Variants in PPP2R2C observed in about 807,000 individuals in gnomAD.
PPP2R2C encodes the protein protein phosphatase 2 regulatory subunit Bgamma, also known as protein phosphatase 2, regulatory subunit B, gamma.
A neutral mutation model predicts 45.3 loss-of-function variants in PPP2R2C; 10 were observed. That is an observed-to-expected ratio of 0.22 (90% CI 0.14 to 0.37). The LOEUF (loss-of-function observed/expected upper bound fraction) is 0.37. PPP2R2C is among the 10% of genes least tolerant of loss of function. The pLI, the probability that PPP2R2C is intolerant of heterozygous loss-of-function variation, is 1.00. For synonymous variants in PPP2R2C, 257 were observed against 245.4 expected, an observed-to-expected ratio of 1.05 and a Z score of -0.44; for missense variants, 308 against 619.7, an observed-to-expected ratio of 0.50 and a Z score of 5.34.
intron 1 of PPP2R2C, among the ~76,000 whole-genome samples, chr4:6,562,241 T>C (rs1198630462): frequency 1.3e-5 from 2 of 152,104 alleles, no homozygotes; most frequent in African/African-American, 4.8e-5. Flanking sequence ...AGCTCACCTG[T>C]GGGCAACGGG....
intron 6 of PPP2R2C, among the ~76,000 whole-genome samples, chr4:6,336,271 G>C (rs1225857438): frequency 6.6e-6 from 1 of 151,824 alleles, no homozygotes; most frequent in Non-Finnish European, 1.5e-5. Flanking sequence ...TCACAGGGGC[G>C]CCCTTCTCAG....
chr4:6,366,938 C>T (rs192076087), intron 5 of PPP2R2C, among the ~76,000 whole-genome samples: 28 of 152,172 alleles, frequency 1.8e-4, no homozygotes, highest in African/African-American at 6.3e-4. Context: ...CCAGAGGTTC[C>T]GATGAGCCAA....
intron 1 of PPP2R2C, among the ~76,000 whole-genome samples, chr4:6,394,493 G>A (rs1327895503): frequency 6.6e-6 from 1 of 152,230 alleles, no homozygotes; most frequent in African/African-American, 2.4e-5. Context: ...GTGGTAAATT[G>A]CAGCTGGGGG....
rs143678737 is a variant in PPP2R2C, at chr4:6,457,499, G to A, written c.70+14661C>T. 1.1e-3 allele frequency among the ~76,000 whole-genome samples: 164 copies of A among 152,062 alleles called. 1 individual carries two copies. The highest frequency in any genetic ancestry group is 3.5e-3 in the East Asian group (18 of 5,118). On this transcript the variant is annotated intron_variant, in intron 1 of 8. Transcript: ENST00000382599. ...TGATCCTCCAGCCTCAGCCTCCTGAGTAGCTGGGACTGCAGGTACATGCCA... is the reference window on the plus strand; with the variant it reads ...TGATCCTCCAGCCTCAGCCTCCTGAATAGCTGGGACTGCAGGTACATGCCA...
intron 1 of PPP2R2C, among the ~76,000 whole-genome samples, chr4:6,454,520 G>A (rs1038820444): frequency 5.3e-5 from 8 of 152,114 alleles, no homozygotes; most frequent in African/African-American, 7.2e-5. Context: ...TCCCCACCCC[G>A]CAGAAAATGT....
At chr4:6,534,274 GACACACACATATCCCA>G (rs1724513709) in intron 2 of PPP2R2C, among the ~76,000 whole-genome samples, 1 of 130,202 alleles carries the variant, frequency 7.7e-6, no homozygotes, top group Non-Finnish European at 1.6e-5. Context: ...CACATAGCAA[GACACACACATATCCCA>G]ACACACACAC....
chr4:6,467,703 G>A (rs1274159847), intron 1 of PPP2R2C, among the ~76,000 whole-genome samples: 6 of 152,158 alleles, frequency 3.9e-5, no homozygotes, highest in African/African-American at 2.4e-5. Flanking sequence ...GGTGCTATGG[G>A]CTGCAAGTAA....
Position 6,536,212 on chromosome 4 carries a change from C to A in PPP2R2C, c.-58-835G>T, listed in dbSNP as rs537314618. On this transcript the variant is annotated intron_variant, in intron 1 of 9. Coordinates refer to the PPP2R2C transcript ENST00000506140. ...CCCGGGATTATGGAAGGAAACATTG[C>A]TGTTTCAGGGGCACACAAAGTTTTA... is the stretch of plus-strand genomic sequence containing the variant. Among the ~76,000 whole-genome samples the A allele has an allele frequency of 2.0e-5, 3 of 152,306 alleles. No homozygotes were observed. In the East Asian group the frequency reaches 5.8e-4, roughly 29 times the overall value.
At chr4:6,465,163 T>C (rs941331256) in intron 1 of PPP2R2C, among the ~76,000 whole-genome samples, 6 of 150,900 alleles carry the variant, frequency 4.0e-5, no homozygotes, top group Non-Finnish European at 8.9e-5. Flanking sequence ...ATCTGCTTTA[T>C]TAATGGTAAA....
At chr4:6,479,039 T>C (rs764087719) in intron 2 of PPP2R2C, among the ~76,000 whole-genome samples, 1 of 152,086 alleles carries the variant, frequency 6.6e-6, no homozygotes, top group African/African-American at 2.4e-5. Flanking sequence ...GCAAGTACAG[T>C]CTCCCTCCAG....
intron 8 of PPP2R2C, among the ~76,000 whole-genome samples, chr4:6,326,585 C>T (rs1209573795): frequency 1.3e-5 from 2 of 152,186 alleles, no homozygotes; most frequent in African/African-American, 4.8e-5. Context: ...TGCGGCACCC[C>T]TGCGCATACG....
intron 4 of PPP2R2C, among the ~76,000 whole-genome samples, chr4:6,374,338 A>C (rs1327831767): frequency 1.3e-5 from 2 of 152,312 alleles, no homozygotes; most frequent in African/African-American, 2.4e-5. Flanking sequence ...ACCAGAGCTC[A>C]AAACCAGTTT....
intron 1 of PPP2R2C, among the ~76,000 whole-genome samples, chr4:6,444,122 A>G (rs1162104842): frequency 1.3e-5 from 2 of 152,206 alleles, no homozygotes; most frequent in Admixed American, 1.3e-4. Context: ...TAGAAACGCT[A>G]TGGCCCACCC....
At chr4:6,372,466 C>T in intron 5 of PPP2R2C, 57 bp downstream of exon 5, 1 of 1,565,902 alleles carries the variant, frequency 6.4e-7, no homozygotes, top group Non-Finnish European at 8.7e-7. Flanking sequence ...AAACCCACCA[C>T]CCAACGGAAG....
chr4:6,517,626 G>A (rs1723865208), intron 2 of PPP2R2C, among the ~76,000 whole-genome samples: 1 of 152,184 alleles, frequency 6.6e-6, no homozygotes, highest in Non-Finnish European at 1.5e-5. Context: ...AAAAAAGACA[G>A]AAGAAATTAC....
intron 1 of PPP2R2C, among the ~76,000 whole-genome samples, chr4:6,440,352 C>T (rs1391512143): frequency 1.3e-5 from 2 of 152,206 alleles, no homozygotes; most frequent in African/African-American, 2.4e-5. Context: ...TTATCTGTCT[C>T]AGCAAGCTCA....
chr4:6,505,764 A>G (rs11721690), intron 2 of PPP2R2C, among the ~76,000 whole-genome samples: 68,806 of 151,980 alleles, frequency 0.45, 16,735 homozygotes, highest in East Asian at 0.78. Context: ...TCAGGAGTTC[A>G]AGACCAGCCT....
At position 6,343,761 on chromosome 4, in the gene PPP2R2C, A is replaced by G. The variant is rs142865801; in HGVS notation, c.790+4085T>C. ...AAAAGGACACCAAATAGATTTGCACACAAGTTTTCCTAAGATTTCAAGGAG... is the reference window on the plus strand; with the variant it reads ...AAAAGGACACCAAATAGATTTGCACGCAAGTTTTCCTAAGATTTCAAGGAG... On this transcript the variant is annotated intron_variant, in intron 6 of 8. Coordinates refer to ENST00000382599, the MANE Select transcript of PPP2R2C (RefSeq NM_020416.4). 1.4e-3 allele frequency among the ~76,000 whole-genome samples: 213 copies of G among 152,322 alleles called. 1 individual carries two copies. Among genetic ancestry groups the G allele is most frequent in the African/African-American group, 4.9e-3 (202 of 41,580 alleles).
chr4:6,471,639 A>T lies in PPP2R2C; in HGVS notation c.70+521T>A, dbSNP rs1032991342. ...GGGACCCTGCCTCTGGAGGACAGGG[A>T]GGGGCCCGGGCAGGCGGGCCTCCCA... On this transcript the variant is annotated intron_variant, in intron 1 of 8. Transcript: ENST00000382599. The surrounding 1 kb of genome is among the most constrained non-coding windows in gnomAD (Gnocchi z 5.6). 2.6e-5 allele frequency: 4 copies of T among 153,174 alleles called. No individual in the cohort carries two copies. The highest frequency in any genetic ancestry group is 9.7e-5 in the African/African-American group (4 of 41,388). 9.5% of individuals were successfully genotyped at this position (153,174 alleles called of 1,614,324 possible). A position where few individuals can be genotyped will look rare whatever the true frequency, so the allele number is the denominator to read the frequency against.
Sources: allele counts gnomAD v4.1 joint callset (sites outside exome capture counted in the v4.1 genomes callset), GRCh38; gene constraint gnomAD v4.1.1; non-coding constraint Gnocchi (gnomAD v3.1); transcripts MANE v1.5; gene names NCBI Gene and HGNC (gene_info 2026-07-23, HGNC 2026-07-21).